The following STK32A variants were observed in gnomAD, a reference collection of about 807,000 sequenced individuals.
STK32A encodes serine/threonine-protein kinase 32A.
A neutral mutation model predicts 53.2 loss-of-function variants in STK32A; 41 were observed. That is an observed-to-expected ratio of 0.77 (90% CI 0.60 to 1.00). STK32A has a LOEUF of 1.00. Ranked by LOEUF, STK32A falls within the 50% of genes least tolerant of loss-of-function variation. The probability of loss-of-function intolerance (pLI) is 0.00; values close to 1 mark genes in which losing one functional copy is unlikely to be tolerated. For synonymous variants in STK32A, 166 were observed against 162.8 expected, an observed-to-expected ratio of 1.02 and a Z score of -0.15; for missense variants, 458 against 485.8, an observed-to-expected ratio of 0.94 and a Z score of 0.54.
At chr5:147,331,257 G>A (rs1247067946) in intron 5 of STK32A, among the ~76,000 whole-genome samples, 1 of 152,036 alleles carries the variant, frequency 6.6e-6, no homozygotes, top group African/African-American at 2.4e-5. Context: ...TGACTTAATA[G>A]GAGCTATCAC....
chr5:147,351,718 G>A (rs1755991410), intron 7 of STK32A, among the ~76,000 whole-genome samples: 1 of 152,106 alleles, frequency 6.6e-6, no homozygotes, highest in South Asian at 2.1e-4. Flanking sequence ...GTGGTAGCAT[G>A]CGCCTGTAGT....
intron 4 of STK32A, among the ~76,000 whole-genome samples, chr5:147,287,934 G>A (rs139429981): frequency 6.6e-6 from 1 of 151,928 alleles, no homozygotes; most frequent in African/African-American, 2.4e-5. Flanking sequence ...ATCGCTGTGT[G>A]GGCAAAGTTG....
chr5:147,334,703 G>A (rs781345602), intron 5 of STK32A, among the ~76,000 whole-genome samples: 3 of 152,192 alleles, frequency 2.0e-5, no homozygotes, highest in African/African-American at 7.2e-5. Flanking sequence ...TCATGATGCT[G>A]TCACAATGGT....
the STK32A span, chr5:147,399,037 C>T: frequency 1.3e-6 from 2 of 1,596,998 alleles, no homozygotes; most frequent in Admixed American, 1.7e-5. Flanking sequence ...AAGTTCCTTG[C>T]ATGCATTCTC....
intron 5 of STK32A, among the ~76,000 whole-genome samples, chr5:147,333,204 T>G (rs1303614924): frequency 6.6e-6 from 1 of 152,190 alleles, no homozygotes; most frequent in East Asian, 1.9e-4. Context: ...TTTAGTCCTC[T>G]TAGAGCTATG....
In STK32A at chr5:147,270,732, A is replaced by C. The variant is rs545526254; in HGVS notation, c.53-7392A>C. Among the ~76,000 whole-genome samples the C allele has an allele frequency of 1.4e-4, 21 of 152,344 alleles. No individual in the cohort carries two copies. The South Asian group carries it at 4.4e-3, about 32-fold the overall frequency. On this transcript the variant is annotated intron_variant, in intron 2 of 12. Coordinates refer to ENST00000397936, the MANE Select transcript of STK32A (RefSeq NM_001112724.2). ...TCACTCAGCATTAAAGAAATAAAGT[A>C]AATCAATAATTCAATCTTTTTCACT...
intron 4 of STK32A, among the ~76,000 whole-genome samples, chr5:147,318,675 C>T (rs1355282200): frequency 6.6e-6 from 1 of 150,806 alleles, no homozygotes; most frequent in Non-Finnish European, 1.5e-5. Flanking sequence ...ACCCAGGAGG[C>T]TGAGGTGGGA....
chr5:147,293,684 G>A (rs560242046), intron 4 of STK32A, among the ~76,000 whole-genome samples: 25 of 151,990 alleles, frequency 1.6e-4, no homozygotes, highest in African/African-American at 5.1e-4. Flanking sequence ...AGGAGACTGC[G>A]TTCCCAATCA....
downstream of STK32A, among the ~76,000 whole-genome samples, chr5:147,388,187 A>C (rs1397982294): frequency 6.6e-6 from 1 of 152,006 alleles, no homozygotes; most frequent in Admixed American, 6.6e-5. Flanking sequence ...TTTCTTTAGC[A>C]CTCTGCCTTC....
intron 2 of STK32A, among the ~76,000 whole-genome samples, chr5:147,245,426 ACTTTATTTTCTCTATCTGAATGCAC>A (rs1369924552): frequency 6.6e-6 from 1 of 152,104 alleles, no homozygotes; most frequent in Non-Finnish European, 1.5e-5. Context: ...TAAAAAATCT[ACTTTATTTTCTCTATCTGAATGCAC>A]TAGATTTTGT....
At chr5:147,291,829 G>A (rs904173796) in intron 4 of STK32A, among the ~76,000 whole-genome samples, 3 of 152,128 alleles carry the variant, frequency 2.0e-5, no homozygotes, top group African/African-American at 7.2e-5. Flanking sequence ...AATGTTATCA[G>A]GACCAACATA....
chr5:147,392,327 T>A (rs2152012591), downstream of STK32A: 1 of 152,336 alleles, frequency 6.6e-6, no homozygotes. Context: ...CTAGGGGAAA[T>A]CCTGTTCCTT....
intron 3 of STK32A, 62 bp downstream of exon 3, chr5:147,278,241 C>A (rs1561688058): frequency 1.5e-6 from 2 of 1,365,062 alleles, no homozygotes; most frequent in Non-Finnish European, 2.0e-6. Context: ...AACAGAGGGT[C>A]CAGAAATGTT....
intron 7 of STK32A, among the ~76,000 whole-genome samples, chr5:147,354,387 CG>C (rs965900489): frequency 2.0e-5 from 3 of 152,082 alleles, no homozygotes; most frequent in Non-Finnish European, 2.9e-5. Flanking sequence ...GAGAGAAGTA[CG>C]GGGAGGCCAC....
intron 2 of STK32A, among the ~76,000 whole-genome samples, chr5:147,247,807 A>AT (rs948264895): frequency 1.3e-5 from 2 of 152,082 alleles, no homozygotes; most frequent in Admixed American, 1.3e-4. Context: ...TATTCTTTTG[A>AT]TTTTTTTCCA....
At chr5:147,388,985 TA>T (rs1215607472), downstream of STK32A, among the ~76,000 whole-genome samples, 1 of 152,190 alleles carries the variant, frequency 6.6e-6, no homozygotes, top group African/African-American at 2.4e-5. Flanking sequence ...AATGGGGCTA[TA>T]AACCAAAGCT....
At chr5:147,236,682 A>G (rs1753337754) in intron 1 of STK32A, among the ~76,000 whole-genome samples, 1 of 152,206 alleles carries the variant, frequency 6.6e-6, no homozygotes, top group South Asian at 2.1e-4. Context: ...ACACACAAAA[A>G]TGGTTCCCTG....
At chr5:147,360,515 G>T (rs1382594462) in intron 7 of STK32A, among the ~76,000 whole-genome samples, 1 of 149,708 alleles carries the variant, frequency 6.7e-6, no homozygotes, top group Non-Finnish European at 1.5e-5. Context: ...GAAAAGAAAA[G>T]GGAAAGATTG....
Position 147,239,693 on chromosome 5 carries a change from AAT to A in STK32A, c.52+10_52+11del. On this transcript the variant is annotated splice_region_variant and intron_variant, in intron 2 of 12. Transcript: ENST00000397936. ...TTTGATGAAAATGAAGATGGTAAGA[AAT>A]ATGGGATAGTGGCATATAAAAAATA... 6.2e-7 allele frequency: 1 copy of A among 1,600,968 alleles called. No homozygotes were observed. The highest frequency in any genetic ancestry group is 8.5e-7 in the Non-Finnish European group (1 of 1,172,300).
Sources: allele counts gnomAD v4.1 joint callset (sites outside exome capture counted in the v4.1 genomes callset), GRCh38; gene constraint gnomAD v4.1.1; transcripts MANE v1.5; gene names NCBI Gene and HGNC (gene_info 2026-07-23, HGNC 2026-07-21).